The following ARPP21 variants were observed in gnomAD, a reference collection of about 807,000 sequenced individuals.
The protein encoded by ARPP21 is cAMP-regulated phosphoprotein 21.
ARPP21 carries 69 observed loss-of-function variants against 113.2 expected under a neutral mutation model. That is an observed-to-expected ratio of 0.61 (90% confidence interval 0.50 to 0.74). The LOEUF (loss-of-function observed/expected upper bound fraction) is 0.74. ARPP21 is among the 30% of genes least tolerant of loss of function. ARPP21 has a pLI of 0.00. For missense variants in ARPP21, 1,070 were observed against 1,037.4 expected (o/e 1.03, Z -0.43); for synonymous variants, 368 against 375.5 (o/e 0.98, Z 0.23).
chr3:35,753,939 A>T (rs1410020531), intron 19 of ARPP21, among the ~76,000 whole-genome samples: 1 of 151,184 alleles, frequency 6.6e-6, no homozygotes, highest in Non-Finnish European at 1.5e-5. Context: ...TGACTGATTA[A>T]TGTAATTGTC....
chr3:35,684,327 A>G (rs2079893973), intron 5 of ARPP21: 2 of 1,066,034 alleles, frequency 1.9e-6, no homozygotes, highest in African/African-American at 1.7e-5. Context: ...CAATACTGCA[A>G]AAGTTGTCCA....
At chr3:35,699,029 A>C (rs2085199676) in intron 9 of ARPP21, among the ~76,000 whole-genome samples, 2 of 151,692 alleles carry the variant, frequency 1.3e-5, no homozygotes, top group African/African-American at 4.8e-5. Context: ...AGCCTATAGC[A>C]CATGTTAATT....
intron 14 of ARPP21, among the ~76,000 whole-genome samples, chr3:35,725,821 C>T (rs1187828952): frequency 1.3e-5 from 2 of 152,174 alleles, no homozygotes; most frequent in African/African-American, 4.8e-5. Flanking sequence ...TAGGGTTCAG[C>T]TTCAGTTTCT....
chr3:35,751,192 A>G (rs1292570385), intron 19 of ARPP21, among the ~76,000 whole-genome samples: 3 of 152,288 alleles, frequency 2.0e-5, no homozygotes, highest in South Asian at 2.1e-4. Flanking sequence ...AAATCATTTG[A>G]TATGGATTCT....
chr3:35,789,143 G>A (rs2096692592), intron 19 of ARPP21, among the ~76,000 whole-genome samples: 2 of 152,332 alleles, frequency 1.3e-5, no homozygotes, highest in East Asian at 3.9e-4. Context: ...ATATGAAAAA[G>A]TGATAATTTC....
chr3:35,753,177 G>A (rs2095461194), intron 19 of ARPP21, among the ~76,000 whole-genome samples: 1 of 151,600 alleles, frequency 6.6e-6, no homozygotes, highest in African/African-American at 2.4e-5. Flanking sequence ...AAGTTGTTGT[G>A]TGAATATTTA....
At chr3:35,661,792 T>G (rs757667489) in intron 1 of ARPP21, among the ~76,000 whole-genome samples, 1 of 152,200 alleles carries the variant, frequency 6.6e-6, no homozygotes, top group East Asian at 1.9e-4. Flanking sequence ...TCCTTGACCT[T>G]ACTGAATTTT....
At chr3:35,699,889 CA>C (rs917388128) in intron 9 of ARPP21, among the ~76,000 whole-genome samples, 57 of 151,816 alleles carry the variant, frequency 3.8e-4, no homozygotes, top group African/African-American at 1.3e-3. Flanking sequence ...ACATCACTTT[CA>C]GAAAAATATG....
chr3:35,681,727 G>A lies in ARPP21; in HGVS notation c.-25G>A. 6.3e-7 allele frequency: 1 copy of A among 1,598,190 alleles called. No homozygotes were observed. The highest frequency in any genetic ancestry group is 8.6e-7 in the Non-Finnish European group (1 of 1,168,360). On this transcript the variant is annotated 5_prime_UTR_variant, in exon 3 of 21. Transcript: ENST00000684406. ...TTAACCTTCTAGGGCATAAAATCTT[G>A]TTATTTTAATTTGCATCTGGGAGAA... is the stretch of plus-strand genomic sequence containing the variant.
rs2095711162 is a variant in ARPP21 at position 35,760,048 on chromosome 3, A to G, written c.2137+16083A>G. On this transcript the variant is annotated intron_variant, in intron 19 of 20. Coordinates refer to ENST00000684406, the MANE Select transcript of ARPP21 (RefSeq NM_001385562.1). Reference sequence around the variant, plus strand: ...AGTATACCTTCAGGAACTAGAAGGCATATATTAAGCATCACATTGTATCTT... The same window carrying G: ...AGTATACCTTCAGGAACTAGAAGGCGTATATTAAGCATCACATTGTATCTT... Among the ~76,000 whole-genome samples, 5 of 152,122 alleles carry G rather than the reference A, an allele frequency of 3.3e-5. 1 individual carries two copies. The highest frequency in any genetic ancestry group is 3.3e-4 in the Admixed American group (5 of 15,262).
chr3:35,724,934 T>C (rs934589694), intron 14 of ARPP21, among the ~76,000 whole-genome samples: 1 of 152,214 alleles, frequency 6.6e-6, no homozygotes, highest in Non-Finnish European at 1.5e-5. Flanking sequence ...ATAAAACCTT[T>C]ATGATTTGTG....
At chr3:35,789,422 A>G (rs982789904) in intron 19 of ARPP21, among the ~76,000 whole-genome samples, 2 of 152,202 alleles carry the variant, frequency 1.3e-5, no homozygotes, top group African/African-American at 2.4e-5. Flanking sequence ...CAATTAAACC[A>G]TTGCAGGTGT....
At chr3:35,693,680 CT>C (rs1405157817) in intron 9 of ARPP21, among the ~76,000 whole-genome samples, 2 of 151,588 alleles carry the variant, frequency 1.3e-5, no homozygotes, top group African/African-American at 4.8e-5. Context: ...TTCTAAGTGT[CT>C]TGGTTTTTTT....
intron 11 of ARPP21, among the ~76,000 whole-genome samples, chr3:35,710,254 T>G (rs996394402): frequency 6.6e-6 from 1 of 152,104 alleles, no homozygotes; most frequent in South Asian, 2.1e-4. Flanking sequence ...TGGATGCAAT[T>G]TTAGGAGACT....
intron 19 of ARPP21, among the ~76,000 whole-genome samples, chr3:35,756,468 A>G (rs578223328): frequency 6.6e-6 from 1 of 152,118 alleles, no homozygotes; most frequent in African/African-American, 2.4e-5. Context: ...AAAGCCACGA[A>G]ACCACCACAG....
At chr3:35,692,097 C>G (rs182280418) in intron 9 of ARPP21, among the ~76,000 whole-genome samples, 22 of 151,660 alleles carry the variant, frequency 1.5e-4, no homozygotes, top group Admixed American at 7.2e-4. Context: ...TTATTAATAT[C>G]TCAGGGACAA....
intron 1 of ARPP21, among the ~76,000 whole-genome samples, chr3:35,648,447 G>T (rs1701103416): frequency 6.6e-6 from 1 of 152,090 alleles, no homozygotes. Context: ...TGACATGAGA[G>T]AAACATTTTT....
intron 1 of ARPP21, among the ~76,000 whole-genome samples, chr3:35,679,292 T>G (rs1003099687): frequency 3.3e-5 from 5 of 151,886 alleles, no homozygotes; most frequent in African/African-American, 1.2e-4. Flanking sequence ...TTATAGAGAA[T>G]GTTTCATTAA....
At chr3:35,663,335 A>AG (rs1708677274) in intron 1 of ARPP21, among the ~76,000 whole-genome samples, 2 of 152,166 alleles carry the variant, frequency 1.3e-5, no homozygotes, top group African/African-American at 4.8e-5. Flanking sequence ...AATAACAATC[A>AG]ATCACCTACA....
Sources: gnomAD v4.1 joint callset for allele counts (sites outside exome capture counted in the v4.1 genomes callset) on GRCh38, gnomAD v4.1.1 for gene constraint, MANE v1.5 for transcripts, NCBI Gene and HGNC (gene_info 2026-07-23, HGNC 2026-07-21) for gene names.